RAPGEF5: variants seen among roughly 807,000 people sequenced by gnomAD.
RAPGEF5 encodes M-Ras-regulated GEF.
Under a neutral mutation model 125.2 loss-of-function variants are expected in RAPGEF5, and 65 were observed. The observed-to-expected ratio is 0.52, with a 90% CI of 0.43 to 0.64. The LOEUF (loss-of-function observed/expected upper bound fraction) is 0.64, where lower values mean the gene tolerates loss of function less well. RAPGEF5 is among the 30% of genes least tolerant of loss of function. The probability of loss-of-function intolerance (pLI) is 0.00; values close to 1 mark genes in which losing one functional copy is unlikely to be tolerated. For synonymous variants in RAPGEF5, 391 were observed against 385.9 expected (o/e 1.01, Z -0.16); for missense variants, 958 against 1,048.1 (o/e 0.91, Z 1.19).
chr7:22,325,913 T>G (rs537943392), intron 1 of RAPGEF5, among the ~76,000 whole-genome samples: 4 of 152,302 alleles, frequency 2.6e-5, no homozygotes, highest in Non-Finnish European at 5.9e-5. Flanking sequence ...AATGATCCAC[T>G]TGAATACCAA....
intron 12 of RAPGEF5, among the ~76,000 whole-genome samples, chr7:22,165,989 T>A (rs1784148955): frequency 6.7e-6 from 1 of 149,812 alleles, no homozygotes; most frequent in South Asian, 2.1e-4. Context: ...CTAGTTTTGG[T>A]ATGCCTATAT....
intron 11 of RAPGEF5, among the ~76,000 whole-genome samples, chr7:22,185,885 T>C (rs1784810183): frequency 6.6e-6 from 1 of 152,114 alleles, no homozygotes; most frequent in Admixed American, 6.6e-5. Flanking sequence ...GATAGAGTCT[T>C]ACTCTGTTGC....
chr7:22,281,243 G>T (rs1782666813), intron 6 of RAPGEF5, among the ~76,000 whole-genome samples: 1 of 152,118 alleles, frequency 6.6e-6, no homozygotes, highest in Non-Finnish European at 1.5e-5. Flanking sequence ...GCACAGTCTG[G>T]CTCTGTCACC....
intron 18 of RAPGEF5, among the ~76,000 whole-genome samples, chr7:22,149,544 C>A (rs1436288933): frequency 1.3e-5 from 2 of 152,212 alleles, no homozygotes; most frequent in Non-Finnish European, 2.9e-5. Context: ...ATGAAATCAC[C>A]CACTTAGGCA....
At chr7:22,283,591 A>G (rs1327041317) in intron 6 of RAPGEF5, among the ~76,000 whole-genome samples, 1 of 152,176 alleles carries the variant, frequency 6.6e-6, no homozygotes, top group Non-Finnish European at 1.5e-5. Context: ...ATCCTTTTAA[A>G]GCTCCGTCGG....
At chr7:22,276,355 G>A (rs75510930) in intron 6 of RAPGEF5, among the ~76,000 whole-genome samples, 2,289 of 152,064 alleles carry the variant, frequency 0.015, 69 homozygotes, top group African/African-American at 0.053. Context: ...GTCTTACTAC[G>A]TCTTTTATTC....
intron 7 of RAPGEF5, among the ~76,000 whole-genome samples, chr7:22,241,097 T>G (rs1465615206): frequency 1.3e-5 from 2 of 152,374 alleles, no homozygotes; most frequent in African/African-American, 4.8e-5. Flanking sequence ...TCACAGCTAC[T>G]TGATGCTGCC....
intron 7 of RAPGEF5, among the ~76,000 whole-genome samples, chr7:22,232,754 C>G (rs1018348515): frequency 9.2e-5 from 14 of 152,332 alleles, no homozygotes; most frequent in African/African-American, 3.4e-4. Context: ...GCTGTGCATA[C>G]AGTAGGGCTC....
chr7:22,204,059 C>T (rs1233329825), intron 9 of RAPGEF5, among the ~76,000 whole-genome samples: 1 of 152,096 alleles, frequency 6.6e-6, no homozygotes, highest in Non-Finnish European at 1.5e-5. Flanking sequence ...ATATTTGTCC[C>T]GTGGGGTTTG....
At chr7:22,322,175 G>T (rs546257761) in intron 1 of RAPGEF5, among the ~76,000 whole-genome samples, 1 of 149,378 alleles carries the variant, frequency 6.7e-6, no homozygotes, top group South Asian at 2.1e-4. Context: ...TCACCATGTC[G>T]TCCAGGCTGG....
intron 1 of RAPGEF5, among the ~76,000 whole-genome samples, chr7:22,329,989 G>A (rs535433167): frequency 6.6e-6 from 1 of 152,234 alleles, no homozygotes; most frequent in South Asian, 2.1e-4. Flanking sequence ...CTGTGTCCTG[G>A]CTCCCCACAG....
chr7:22,170,202 G>GC (rs1784308072), intron 11 of RAPGEF5, among the ~76,000 whole-genome samples: 1 of 152,110 alleles, frequency 6.6e-6, no homozygotes, highest in Non-Finnish European at 1.5e-5. Context: ...CTACTGGCAT[G>GC]CACCACCATG....
intron 1 of RAPGEF5, among the ~76,000 whole-genome samples, chr7:22,341,416 C>T (rs1784127279): frequency 1.3e-5 from 2 of 152,200 alleles, no homozygotes. Flanking sequence ...TTCCACCCGG[C>T]CCCTCCCAAA....
At position 22,218,195 on chromosome 7, in the gene RAPGEF5, C is replaced by T. The variant is rs761455676; in HGVS notation, c.996+1671G>A. 5.3e-5 allele frequency among the ~76,000 whole-genome samples: 8 copies of T among 152,140 alleles called. No individual in the cohort carries two copies. The East Asian group carries it at 1.3e-3, about 26-fold the overall frequency. ...ACAGATTTGAAGAGTATTATAATCT[C>T]ATTGGCCGTGACTACTTATAATATT... On this transcript the variant is annotated intron_variant, in intron 9 of 25. Coordinates refer to ENST00000665637, the MANE Select transcript of RAPGEF5 (RefSeq NM_012294.5).
chr7:22,251,278 C>G (rs982095835), intron 7 of RAPGEF5, among the ~76,000 whole-genome samples: 2 of 152,180 alleles, frequency 1.3e-5, no homozygotes, highest in African/African-American at 4.8e-5. Context: ...CAATGCCACC[C>G]CCCCAGCAAC....
chr7:22,299,747 T>C (rs1053116145), intron 5 of RAPGEF5, among the ~76,000 whole-genome samples: 6 of 152,156 alleles, frequency 3.9e-5, no homozygotes, highest in East Asian at 1.9e-4. Flanking sequence ...TCTGTTTTCA[T>C]TGTAGAGGAT....
At chr7:22,201,787 A>T (rs771929247) in intron 9 of RAPGEF5, among the ~76,000 whole-genome samples, 3 of 152,220 alleles carry the variant, frequency 2.0e-5, no homozygotes, top group African/African-American at 7.2e-5. Context: ...AATATTTTCC[A>T]GCAGGCTTCT....
At chr7:22,157,967 A>G in intron 14 of RAPGEF5, 82 bp from the exon 15 acceptor site, 1 of 1,297,270 alleles carries the variant, frequency 7.7e-7, no homozygotes, top group Non-Finnish European at 1.1e-6. Flanking sequence ...CTAATTTTCC[A>G]GCACTAGGCA....
chr7:22,241,968 T>C (rs1786342781), intron 7 of RAPGEF5, among the ~76,000 whole-genome samples: 1 of 152,094 alleles, frequency 6.6e-6, no homozygotes, highest in African/African-American at 2.4e-5. Context: ...CGATGCTAAG[T>C]TGCAGGCTCC....
Sources: gnomAD v4.1 joint callset for allele counts (sites outside exome capture counted in the v4.1 genomes callset) on GRCh38, gnomAD v4.1.1 for gene constraint, MANE v1.5 for transcripts, NCBI Gene and HGNC (gene_info 2026-07-23, HGNC 2026-07-21) for gene names.